Variants in CRISP1 observed in about 807,000 individuals in gnomAD.
CRISP1 encodes cysteine-rich secretory protein 1.
Under a neutral mutation model 33.1 loss-of-function variants are expected in CRISP1, and 44 were observed. The ratio of observed to expected loss-of-function variants is 1.33; its 90% CI spans 1.05 to 1.71. CRISP1 has a LOEUF of 1.71. Ranked by LOEUF, CRISP1 falls within the 40% of genes most tolerant of loss-of-function variation. The pLI is 0.00. For missense variants in CRISP1, 390 were observed against 301.2 expected (o/e 1.29, Z -2.18); for synonymous variants, 103 against 98.7 (o/e 1.04, Z -0.26).
Position 49,840,776 on chromosome 6 carries a change from C to T in CRISP1, c.533+122G>A, listed in dbSNP as rs557707595. Reference sequence around the variant, plus strand: ...CTTTGAAGGACATCTGGGTTATTTCCAGCTCTTGTCTATTATGAATAAAGT... The same window carrying T: ...CTTTGAAGGACATCTGGGTTATTTCTAGCTCTTGTCTATTATGAATAAAGT... On this transcript the variant is annotated intron_variant, in intron 6 of 7. Coordinates refer to ENST00000335847, the MANE Select transcript of CRISP1 (RefSeq NM_001131.3). The T allele has an allele frequency of 6.0e-6, 4 of 669,524 alleles. No individual in the cohort carries two copies. In the Admixed American group the frequency reaches 1.1e-4, roughly 18 times the overall value. The allele number at this position is 669,524 out of a possible 1,614,324, so 41.5% of individuals were successfully genotyped here.
intron 6 of CRISP1, 98 bp from the exon 7 acceptor site, chr6:49,838,623 A>G: frequency 1.2e-6 from 1 of 801,790 alleles, no homozygotes; most frequent in Non-Finnish European, 2.0e-6. Flanking sequence ...CAAATTGTGT[A>G]AACATTCTTG....
intron 3 of CRISP1, among the ~76,000 whole-genome samples, chr6:49,849,291 G>A (rs1223409335): frequency 6.6e-6 from 1 of 152,138 alleles, no homozygotes; most frequent in Admixed American, 6.6e-5. Flanking sequence ...CCACCATCGG[G>A]CCCCGCAGGT....
chr6:49,848,852 C>CT (rs1771264636), intron 3 of CRISP1, among the ~76,000 whole-genome samples: 1 of 152,112 alleles, frequency 6.6e-6, no homozygotes, highest in South Asian at 2.1e-4. Flanking sequence ...ATGCCAGAAT[C>CT]TGTCACCAAT....
intron 1 of CRISP1, among the ~76,000 whole-genome samples, chr6:49,874,588 G>A (rs1771993984): frequency 1.3e-5 from 2 of 151,978 alleles, no homozygotes. Context: ...AAATTTGGTA[G>A]AGATACAGCA....
intron 1 of CRISP1, among the ~76,000 whole-genome samples, chr6:49,863,492 C>T (rs1310318598): frequency 6.6e-6 from 1 of 152,178 alleles, no homozygotes; most frequent in Non-Finnish European, 1.5e-5. Context: ...ATTTTATACA[C>T]AGATGGCAAT....
At chr6:49,853,862 C>G (rs1247138859) in intron 2 of CRISP1, among the ~76,000 whole-genome samples, 1 of 152,182 alleles carries the variant, frequency 6.6e-6, no homozygotes, top group African/African-American at 2.4e-5. Flanking sequence ...CCTGCCTGTT[C>G]TATCAGCTGA....
chr6:49,859,087 T>C (rs1178783553), intron 1 of CRISP1, among the ~76,000 whole-genome samples: 2 of 152,100 alleles, frequency 1.3e-5, no homozygotes, highest in Non-Finnish European at 1.5e-5. Context: ...TTCTGCTTCC[T>C]AGCCATTGGG....
intron 1 of CRISP1, among the ~76,000 whole-genome samples, chr6:49,872,839 C>T (rs539124413): frequency 6.6e-6 from 1 of 152,096 alleles, no homozygotes; most frequent in Non-Finnish European, 1.5e-5. Context: ...TAGCATGATG[C>T]CTCCAGCTTT....
At chr6:49,858,872 G>A (rs1008031576) in intron 1 of CRISP1, among the ~76,000 whole-genome samples, 1 of 151,870 alleles carries the variant, frequency 6.6e-6, no homozygotes, top group Non-Finnish European at 1.5e-5. Flanking sequence ...CCACAAAGAA[G>A]AACCAAAATA....
At chr6:49,844,136 A>G (rs1771081834) in intron 5 of CRISP1, among the ~76,000 whole-genome samples, 1 of 152,208 alleles carries the variant, frequency 6.6e-6, no homozygotes, top group Non-Finnish European at 1.5e-5. Context: ...ATTGCAGAAA[A>G]TGAGAAAGTA....
At chr6:49,862,848 A>AC (rs1771690437) in intron 1 of CRISP1, among the ~76,000 whole-genome samples, 1 of 149,988 alleles carries the variant, frequency 6.7e-6, no homozygotes. Context: ...CTGGAGGGTC[A>AC]TTTTTTTTTG....
intron 1 of CRISP1, among the ~76,000 whole-genome samples, chr6:49,864,677 A>G (rs1486104033): frequency 6.6e-6 from 1 of 152,068 alleles, no homozygotes; most frequent in East Asian, 1.9e-4. Flanking sequence ...GCTTATTTAC[A>G]TGTGCTTATC....
At position 49,839,088 on chromosome 6, in the gene CRISP1, G is replaced by C. The variant is rs959849255; in HGVS notation, c.534-563C>G. 3.3e-5 allele frequency among the ~76,000 whole-genome samples: 5 copies of C among 151,926 alleles called. No homozygotes were observed. The East Asian group carries it at 7.7e-4, about 24-fold the overall frequency. On this transcript the variant is annotated intron_variant, in intron 6 of 7. Coordinates refer to ENST00000335847, the MANE Select transcript of CRISP1 (RefSeq NM_001131.3). Reference sequence around the variant, plus strand: ...AGCATGGATAAAACTAAAGTGCTGGGGTGTGGGAAAGAAAGTAGATGAGAA... The same window carrying C: ...AGCATGGATAAAACTAAAGTGCTGGCGTGTGGGAAAGAAAGTAGATGAGAA...
At chr6:49,842,033 G>A (rs902546298) in intron 5 of CRISP1, among the ~76,000 whole-genome samples, 2 of 152,144 alleles carry the variant, frequency 1.3e-5, no homozygotes, top group African/African-American at 4.8e-5. Flanking sequence ...TTCTGTTCAT[G>A]TTCTTGATTA....
intron 5 of CRISP1, among the ~76,000 whole-genome samples, chr6:49,845,707 C>CAAA (rs111269611): frequency 6.3e-4 from 91 of 145,478 alleles, no homozygotes; most frequent in African/African-American, 2.2e-3. Context: ...TCACAATAGC[C>CAAA]AAAAAAAAAA....
At chr6:49,855,324 C>T (rs538505889) in intron 2 of CRISP1, among the ~76,000 whole-genome samples, 3 of 152,260 alleles carry the variant, frequency 2.0e-5, no homozygotes, top group Admixed American at 6.5e-5. Context: ...ATTCACTTTA[C>T]TGTTAGAAGT....
chr6:49,855,004 A>G (rs1771454464), intron 2 of CRISP1, among the ~76,000 whole-genome samples: 2 of 152,172 alleles, frequency 1.3e-5, no homozygotes, highest in African/African-American at 4.8e-5. Flanking sequence ...CAATTTGCAT[A>G]TGCAATATTG....
At position 49,852,846 on chromosome 6, in the gene CRISP1, T is replaced by G. The variant is rs1487045546; in HGVS notation, c.67-717A>C. 2.1e-5 allele frequency among the ~76,000 whole-genome samples: 3 copies of G among 145,438 alleles called. No homozygotes were observed. The South Asian group carries it at 6.7e-4, about 32-fold the overall frequency. On this transcript the variant is annotated intron_variant, in intron 2 of 7. Transcript: ENST00000335847. ...GCATTAATCGCTATAAAGAGAATCT[T>G]TGTGTGTGTGTGTGTGTGTGTGTGT...
chr6:49,857,458 G>T lies in CRISP1; in HGVS notation c.-2-56C>A, dbSNP rs771034381. ...TTCTCAATTCATGGGATAACATCTG[G>T]TAATAAACTATTTAAACCACTTTTA... On this transcript the variant is annotated intron_variant, in intron 1 of 7. Coordinates refer to ENST00000335847, the MANE Select transcript of CRISP1 (RefSeq NM_001131.3). 2.8e-4 allele frequency: 417 copies of T among 1,499,670 alleles called. 1 individual carries two copies. The highest frequency in any genetic ancestry group is 3.7e-4 in the Non-Finnish European group (405 of 1,082,962). The allele number at this position is 1,499,670 out of a possible 1,614,324, so 92.9% of individuals were successfully genotyped here. A position where few individuals can be genotyped will look rare whatever the true frequency, so the allele number is the denominator to read the frequency against.
Sources: gnomAD v4.1 joint callset for allele counts (sites outside exome capture counted in the v4.1 genomes callset) on GRCh38, gnomAD v4.1.1 for gene constraint, MANE v1.5 for transcripts, NCBI Gene and HGNC (gene_info 2026-07-23, HGNC 2026-07-21) for gene names.